BANP: variants seen among roughly 807,000 people sequenced by gnomAD.
The protein encoded by BANP is protein BANP.
A neutral mutation model predicts 68.1 loss-of-function variants in BANP; 11 were observed. That is an observed-to-expected ratio of 0.16 (90% CI 0.10 to 0.27). BANP has a LOEUF of 0.27. Ranked by LOEUF, BANP falls within the 10% of genes least tolerant of loss-of-function variation. The pLI is 1.00. For synonymous variants in BANP, 329 were observed against 303.2 expected (o/e 1.09, Z -0.88); for missense variants, 504 against 722.7 (o/e 0.70, Z 3.47).
chr16:87,998,718 G>A (rs1367636062), intron 4 of BANP, among the ~76,000 whole-genome samples: 1 of 148,408 alleles, frequency 6.7e-6, no homozygotes, highest in Non-Finnish European at 1.5e-5. Context: ...GTGTCTCCAT[G>A]CACGCACGTG....
intron 4 of BANP, among the ~76,000 whole-genome samples, chr16:87,984,627 T>C (rs551475918): frequency 1.3e-5 from 2 of 152,282 alleles, no homozygotes; most frequent in Non-Finnish European, 2.9e-5. Context: ...ACATTTCACA[T>C]GAATATATCA....
At chr16:88,030,764 G>A (rs1331118979) in intron 8 of BANP, among the ~76,000 whole-genome samples, 2 of 152,208 alleles carry the variant, frequency 1.3e-5, no homozygotes, top group Non-Finnish European at 2.9e-5. Context: ...GTTGCAAGGT[G>A]CACTCTGGAG....
intron 6 of BANP, among the ~76,000 whole-genome samples, chr16:88,007,624 C>T (rs1343536307): frequency 6.6e-6 from 1 of 152,236 alleles, no homozygotes; most frequent in Non-Finnish European, 1.5e-5. Flanking sequence ...TCCTTGCTTA[C>T]TAGGAAGAAC....
intron 11 of BANP, among the ~76,000 whole-genome samples, chr16:88,061,291 G>A (rs1284642905): frequency 6.6e-6 from 1 of 152,234 alleles, no homozygotes; most frequent in Non-Finnish European, 1.5e-5. Flanking sequence ...TAGCCTGTTA[G>A]CTTTGAAACT....
At chr16:87,975,667 G>A (rs1031932172) in intron 2 of BANP, among the ~76,000 whole-genome samples, 18 of 151,814 alleles carry the variant, frequency 1.2e-4, no homozygotes, top group Admixed American at 1.2e-3. Context: ...AATCCCCTGT[G>A]TGTGGCGTCA....
At chr16:87,987,712 C>CAAAAAAAAAAAAAAAAAAAAAAAAAAAAA (rs66648819) in intron 4 of BANP, among the ~76,000 whole-genome samples, 1 of 30,368 alleles carries the variant, frequency 3.3e-5, no homozygotes, top group Non-Finnish European at 5.8e-5. Context: ...GACCCTAACT[C>CAAAAAAAAAAAAAAAAAAAAAAAAAAAAA]AAAAAAAAAA....
At chr16:87,997,304 C>T (rs1284484456) in intron 4 of BANP, among the ~76,000 whole-genome samples, 1 of 152,234 alleles carries the variant, frequency 6.6e-6, no homozygotes, top group Non-Finnish European at 1.5e-5. Flanking sequence ...AGTTAAAAAA[C>T]TCAAACACTG....
At chr16:88,041,593 C>CGTGAG (rs1567846975) in intron 11 of BANP, among the ~76,000 whole-genome samples, 2 of 152,204 alleles carry the variant, frequency 1.3e-5, no homozygotes, top group Non-Finnish European at 2.9e-5. Context: ...CCCTGTCTCA[C>CGTGAG]GCTCTTTCTG....
chr16:87,994,150 C>G (rs115884677), intron 4 of BANP, among the ~76,000 whole-genome samples: 1,802 of 152,322 alleles, frequency 0.012, 10 homozygotes, highest in African/African-American at 0.019. Flanking sequence ...GCGAAGGGCC[C>G]TGGGCGGCTT....
chr16:87,952,153 AG>A (rs1392983878), intron 1 of BANP: 2 of 152,288 alleles, frequency 1.3e-5, no homozygotes, highest in Non-Finnish European at 2.9e-5. Context: ...TCCTTAAGGA[AG>A]GTGGCCGTTT....
intron 4 of BANP, among the ~76,000 whole-genome samples, chr16:87,993,518 C>G (rs1184545666): frequency 6.6e-6 from 1 of 152,200 alleles, no homozygotes; most frequent in Non-Finnish European, 1.5e-5. Context: ...CCATTGGCAG[C>G]TCGTCAGTTG....
chr16:87,991,305 G>A (rs369696567), intron 4 of BANP, among the ~76,000 whole-genome samples: 3 of 151,994 alleles, frequency 2.0e-5, no homozygotes, highest in East Asian at 1.9e-4. Flanking sequence ...ATACAACTTC[G>A]GGAATTATTA....
intron 2 of BANP, 81 bp from the exon 3 acceptor site, chr16:87,980,955 C>T: frequency 1.1e-6 from 1 of 910,790 alleles, no homozygotes; most frequent in South Asian, 1.4e-5. Context: ...AAGGTGTCAG[C>T]ACTGTTTACT....
At chr16:88,041,768 C>G (rs141494100) in intron 11 of BANP, among the ~76,000 whole-genome samples, 1 of 152,212 alleles carries the variant, frequency 6.6e-6, no homozygotes, top group Non-Finnish European at 1.5e-5. Context: ...CACAGCTGTT[C>G]GTTGACTCTG....
At position 88,072,112 on chromosome 16, in the gene BANP, C is replaced by T. The variant is rs767462307; in HGVS notation, c.1421C>T (p.Pro474Leu). 6.9e-6 allele frequency: 11 copies of T among 1,605,160 alleles called. No individual in the cohort carries two copies. The highest frequency in any genetic ancestry group is 9.3e-6 in the Non-Finnish European group (11 of 1,177,174). Reference protein sequence around the residue: ...AQLIAVASSDPAAAGVDGSPL... With the variant: ...AQLIAVASSDLAAAGVDGSPL... ...CTGATCGCCGTGGCCTCCTCGGACC[C>T]CGCGGCGGCGGGCGTGGATGGGTCG... Residue 474 changes from proline to leucine, a missense_variant, in exon 13 of 14, where the codon CCC becomes CTC. This residue lies in a region of BANP where 223 missense variants were observed against 246.2 expected (regional missense o/e 0.91). Transcript: ENST00000682872.
At chr16:88,012,707 G>C (rs1372048345) in intron 6 of BANP, among the ~76,000 whole-genome samples, 4 of 152,156 alleles carry the variant, frequency 2.6e-5, no homozygotes, top group African/African-American at 9.7e-5. Context: ...CTTCGGTCTT[G>C]GACAACACAC....
intron 7 of BANP, among the ~76,000 whole-genome samples, chr16:88,024,036 G>A (rs2152699333): frequency 6.6e-6 from 1 of 152,358 alleles, no homozygotes; most frequent in Admixed American, 6.5e-5. Flanking sequence ...GAGCACTTCT[G>A]TTCTCCTTGT....
rs770422065 is a variant in BANP, at chr16:87,981,124, A to G, written c.159A>G (p.Ile53Met). 48 of 1,613,212 alleles carry G rather than the reference A, an allele frequency of 3.0e-5. No individual in the cohort carries two copies. Among genetic ancestry groups the G allele is most frequent in the Non-Finnish European group, 3.6e-5 (42 of 1,179,398 alleles). ...RLEINCQDPS[I>M]KSFLYSINQT... ...AAATCAATTGCCAGGATCCATCTAT[A>G]AAGGTAAAAATCTGACTCTGTTCTG... Residue 53 changes from isoleucine to methionine, a missense_variant, in exon 3 of 14, where the codon ATA (isoleucine) becomes ATG (methionine). Physicochemically the swap from Ile to Met is conservative, Grantham distance 10 (BLOSUM62 1). Around this residue, in one of 3 missense-constraint regions of BANP, gnomAD observed 238 missense variants for 278.9 expected, o/e 0.85. Coordinates refer to ENST00000682872, the MANE Select transcript of BANP (RefSeq NM_001386991.1).
chr16:88,007,291 G>A (rs891059345), intron 6 of BANP, among the ~76,000 whole-genome samples: 5 of 152,190 alleles, frequency 3.3e-5, no homozygotes, highest in African/African-American at 1.2e-4. Flanking sequence ...GAGGCAGGTT[G>A]CTGGGCTAGA....
Sources: gnomAD v4.1 joint callset for allele counts (sites outside exome capture counted in the v4.1 genomes callset) on GRCh38, gnomAD v4.1.1 for gene constraint, gnomAD v4.1.1 regional missense constraint, MANE v1.5 for transcripts, NCBI Gene and HGNC (gene_info 2026-07-23, HGNC 2026-07-21) for gene names.